The following NCOA2 variants were observed in gnomAD, a reference collection of about 807,000 sequenced individuals.
The protein encoded by NCOA2 is nuclear receptor coactivator 2, also known as class E basic helix-loop-helix protein 75.
NCOA2 carries 21 observed loss-of-function variants against 145.1 expected under a neutral mutation model. The ratio of observed to expected loss-of-function variants is 0.14; its 90% CI spans 0.10 to 0.21. NCOA2 has a LOEUF of 0.21. Among genes scored for constraint, NCOA2 ranks in the 10% least tolerant of loss-of-function variants. NCOA2 has a pLI of 1.00. For missense variants in NCOA2, 1,472 were observed against 1,837.6 expected (o/e 0.80, Z 3.64); for synonymous variants, 619 against 637.5 (o/e 0.97, Z 0.44).
At chr8:70,240,632 G>A (rs1480624597) in intron 2 of NCOA2, among the ~76,000 whole-genome samples, 1 of 152,186 alleles carries the variant, frequency 6.6e-6, no homozygotes, top group Non-Finnish European at 1.5e-5. Context: ...ATGAATGTTA[G>A]ACAAGCTTTG....
intron 1 of NCOA2, among the ~76,000 whole-genome samples, chr8:70,385,534 T>C (rs1029583337): frequency 2.0e-5 from 3 of 152,294 alleles, no homozygotes; most frequent in East Asian, 1.9e-4. Context: ...TCAAGCACTC[T>C]TCCCACCTCA....
intron 11 of NCOA2, 36 bp from the exon 12 acceptor site, chr8:70,148,519 C>CTAAGAGTAGTGGTG: frequency 1.9e-6 from 3 of 1,595,738 alleles, no homozygotes; most frequent in Non-Finnish European, 2.6e-6. Context: ...ATCCAGTCTA[C>CTAAGAGTAGTGGTG]TCTAAGAGTA....
intron 1 of NCOA2, among the ~76,000 whole-genome samples, chr8:70,372,950 C>A (rs1486972544): frequency 6.6e-6 from 1 of 152,062 alleles, no homozygotes; most frequent in Non-Finnish European, 1.5e-5. Context: ...CTAGTTTGTT[C>A]TTTTTTATTG....
At chr8:70,418,255 A>C in the NCOA2 span, among the ~76,000 whole-genome samples, 4 of 152,190 alleles carry the variant, frequency 2.6e-5, no homozygotes, top group African/African-American at 9.7e-5. Context: ...ATTATAACTG[A>C]GTCTTCAAAA....
chr8:70,285,673 C>T (rs774013294), intron 2 of NCOA2, among the ~76,000 whole-genome samples: 1 of 152,170 alleles, frequency 6.6e-6, no homozygotes, highest in Admixed American at 6.5e-5. Flanking sequence ...CTTACTACAC[C>T]GTAAGATGTG....
chr8:70,379,368 C>T (rs578183524), intron 1 of NCOA2, among the ~76,000 whole-genome samples: 8 of 152,214 alleles, frequency 5.3e-5, no homozygotes, highest in African/African-American at 1.4e-4. Flanking sequence ...TAGCACATGA[C>T]GGGGAGAATC....
chr8:70,398,223 C>G (rs1813872948), intron 1 of NCOA2, among the ~76,000 whole-genome samples: 1 of 152,114 alleles, frequency 6.6e-6, no homozygotes, highest in Non-Finnish European at 1.5e-5. Flanking sequence ...TTTGGGAAGC[C>G]AAGGGGAGAG....
intron 4 of NCOA2, among the ~76,000 whole-genome samples, chr8:70,180,391 G>A (rs1366973646): frequency 6.6e-6 from 1 of 152,066 alleles, no homozygotes; most frequent in Non-Finnish European, 1.5e-5. Context: ...CCGCGCTCCA[G>A]AAATCCAACA....
At chr8:70,433,157 A>G in the NCOA2 span, among the ~76,000 whole-genome samples, 1 of 152,236 alleles carries the variant, frequency 6.6e-6, no homozygotes, top group African/African-American at 2.4e-5. Flanking sequence ...AATTATATGA[A>G]TAAGAAATAC....
intron 12 of NCOA2, among the ~76,000 whole-genome samples, chr8:70,147,113 C>G (rs747901850): frequency 1.0e-5 from 1 of 97,120 alleles, no homozygotes; most frequent in Non-Finnish European, 2.0e-5. Flanking sequence ...AAATCTTTCG[C>G]GCGCGCGCGC....
chr8:70,439,577 C>CCTTAAGTACACTTAAGTACA, the NCOA2 span, among the ~76,000 whole-genome samples: 1 of 152,290 alleles, frequency 6.6e-6, no homozygotes. Flanking sequence ...CGTGGCTCTG[C>CCTTAAGTACACTTAAGTACA]CTTAAGAAGT....
intron 2 of NCOA2, among the ~76,000 whole-genome samples, chr8:70,289,252 G>T (rs1407316704): frequency 3.9e-5 from 6 of 152,134 alleles, no homozygotes; most frequent in Non-Finnish European, 7.4e-5. Context: ...TAATGACAAA[G>T]AATTGAAAAG....
At chr8:70,174,972 C>A in intron 4 of NCOA2, 113 bp from the exon 5 acceptor site, 1 of 940,226 alleles carries the variant, frequency 1.1e-6, no homozygotes. Flanking sequence ...TCAGATGCAG[C>A]TACAAAAGAG....
the NCOA2 span, among the ~76,000 whole-genome samples, chr8:70,416,637 A>T: frequency 6.6e-6 from 1 of 152,258 alleles, no homozygotes; most frequent in African/African-American, 2.4e-5. Context: ...TGGGTAATTT[A>T]TAATGAAGAG....
At chr8:70,364,426 C>G (rs1030157916) in intron 1 of NCOA2, among the ~76,000 whole-genome samples, 1 of 152,040 alleles carries the variant, frequency 6.6e-6, no homozygotes, top group East Asian at 1.9e-4. Flanking sequence ...CTGACTTTTT[C>G]AGAAAAATGC....
the NCOA2 span, among the ~76,000 whole-genome samples, chr8:70,414,134 C>G: frequency 6.6e-6 from 1 of 152,122 alleles, no homozygotes; most frequent in Non-Finnish European, 1.5e-5. Flanking sequence ...CATTTAGACC[C>G]TGTTTTTCTT....
intron 1 of NCOA2, among the ~76,000 whole-genome samples, chr8:70,352,676 T>C (rs1734776267): frequency 6.6e-6 from 1 of 152,194 alleles, no homozygotes; most frequent in Non-Finnish European, 1.5e-5. Flanking sequence ...CATGAACCAA[T>C]ACATACAACA....
In NCOA2 at chr8:70,166,742, G is replaced by A. The variant is rs779875592; in HGVS notation, c.554C>T (p.Ser185Phe). 6.2e-7 allele frequency: 1 copy of A among 1,613,828 alleles called. No individual in the cohort carries two copies. The highest frequency in any genetic ancestry group is 1.1e-5 in the South Asian group (1 of 91,050). Residue 185 changes from serine (S) to phenylalanine (F), a missense_variant, in exon 7 of 23, where the codon TCT becomes TTT. Ser to Phe is a radical substitution (Grantham distance 155). Around this residue, in one of 4 missense-constraint regions of NCOA2, gnomAD observed 284 missense variants for 467.8 expected, o/e 0.61. Coordinates refer to ENST00000452400, the MANE Select transcript of NCOA2 (RefSeq NM_006540.4). ...CCGCCTCGGAGGTTCGCCAGACCAA[G>A]ATCCCCCATTTACTGAGCAAGGCAA... The part of the protein sequence containing the change: ...LLPKSIVNGG[S>F]WSGEPPRRNS...
chr8:70,310,323 G>A (rs1371739097), intron 1 of NCOA2, among the ~76,000 whole-genome samples: 1 of 129,398 alleles, frequency 7.7e-6, no homozygotes, highest in Non-Finnish European at 1.6e-5. Context: ...CAGCCTGGGT[G>A]ACAGAGCAAG....
Sources: gnomAD v4.1 joint callset for allele counts (sites outside exome capture counted in the v4.1 genomes callset) on GRCh38, gnomAD v4.1.1 for gene constraint, gnomAD v4.1.1 regional missense constraint, MANE v1.5 for transcripts, NCBI Gene and HGNC (gene_info 2026-07-23, HGNC 2026-07-21) for gene names.